The following VAC14 variants were observed in gnomAD, a reference collection of about 807,000 sequenced individuals.
The protein encoded by VAC14 is VAC14 component of PIKFYVE complex.
A neutral mutation model predicts 85.3 loss-of-function variants in VAC14; 47 were observed. The observed-to-expected ratio is 0.55, with a 90% CI of 0.44 to 0.70. The LOEUF is 0.70. VAC14 is among the 30% of genes least tolerant of loss of function. The pLI is 0.00. For missense variants in VAC14, 861 were observed against 1,004.3 expected, an observed-to-expected ratio of 0.86 and a Z score of 1.93; for synonymous variants, 447 against 430.5, an observed-to-expected ratio of 1.04 and a Z score of -0.47.
chr16:70,762,487 G>A lies in VAC14; in HGVS notation c.1371+53C>T. 6.5e-7 allele frequency: 1 copy of A among 1,547,004 alleles called. No individual in the cohort carries two copies. Among genetic ancestry groups the A allele is most frequent in the Non-Finnish European group, 8.9e-7 (1 of 1,120,880 alleles). On this transcript the variant is annotated intron_variant, in intron 12 of 18. Transcript: ENST00000261776. This position sits in a 1 kb window ranked among gnomAD's most constrained non-coding sequence, Gnocchi z 4.1. ...ATAAGCATATCTCAGTCACTAACAA[G>A]GGGAGGCAGGGCAGCCGATGTTCCA...
intron 12 of VAC14, among the ~76,000 whole-genome samples, chr16:70,744,812 GA>G (rs2030711814): frequency 6.6e-6 from 1 of 152,220 alleles, no homozygotes; most frequent in Admixed American, 6.5e-5. Context: ...CTGGAGGAAG[GA>G]AACTGGAATC....
intron 1 of VAC14, among the ~76,000 whole-genome samples, chr16:70,799,965 AC>A (rs2034697842): frequency 6.6e-6 from 1 of 152,212 alleles, no homozygotes; most frequent in Non-Finnish European, 1.5e-5. Flanking sequence ...CGGCTACTCT[AC>A]TGGACAGAAC....
chr16:70,783,970 G>A, intron 5 of VAC14, 143 bp downstream of exon 5: 1 of 687,740 alleles, frequency 1.5e-6, no homozygotes, highest in Non-Finnish European at 2.5e-6. Context: ...AGCTGAATAA[G>A]GTGTTTTTGA....
At chr16:70,702,368 A>G (rs1442748141) in intron 14 of VAC14, among the ~76,000 whole-genome samples, 1 of 152,078 alleles carries the variant, frequency 6.6e-6, no homozygotes, top group African/African-American at 2.4e-5. Context: ...CCCTCTGAGC[A>G]TCGCTAATTA....
Position 70,772,123 on chromosome 16 carries a change from G to A in VAC14, c.1146C>T (p.Val382=), listed in dbSNP as rs2033266045. 6.2e-7 allele frequency: 1 copy of A among 1,613,998 alleles called. No individual in the cohort carries two copies. Among genetic ancestry groups the A allele is most frequent in the Non-Finnish European group, 8.5e-7 (1 of 1,180,032 alleles). Residue 382 remains valine, a synonymous_variant, in exon 10 of 19, where the codon GTC becomes GTT. Transcript: ENST00000261776. ...AAGCCACTTACCTGGCTGCAGTGAA[G>A]ACACTGATGCCGCTACTGAAGCTGG... The part of the protein sequence containing the change: ...CDSSFSSGIS[V]FTAASTERAP...
intron 14 of VAC14, among the ~76,000 whole-genome samples, chr16:70,705,350 T>A (rs912592646): frequency 2.6e-5 from 4 of 152,250 alleles, no homozygotes; most frequent in African/African-American, 9.6e-5. Context: ...GGCCCAGGAA[T>A]GCCCTTCTGC....
intron 10 of VAC14, chr16:70,769,259 C>T (rs1266731640): frequency 6.2e-6 from 1 of 160,670 alleles, no homozygotes; most frequent in African/African-American, 2.4e-5. Context: ...GGAGGAGTCT[C>T]CAGTCTGGCC....
intron 1 of VAC14, among the ~76,000 whole-genome samples, chr16:70,793,972 T>C (rs1345682107): frequency 2.6e-5 from 4 of 152,164 alleles, no homozygotes; most frequent in Non-Finnish European, 4.4e-5. Flanking sequence ...GGAATGAGCA[T>C]GTACTGAGCA....
chr16:70,721,662 C>G (rs1377571053), intron 14 of VAC14, among the ~76,000 whole-genome samples: 1 of 152,052 alleles, frequency 6.6e-6, no homozygotes, highest in Non-Finnish European at 1.5e-5. Flanking sequence ...AGACGTGGCT[C>G]TCGTCTCAGC....
chr16:70,758,292 G>A (rs967741088), intron 12 of VAC14, among the ~76,000 whole-genome samples: 4 of 152,102 alleles, frequency 2.6e-5, no homozygotes, highest in Non-Finnish European at 5.9e-5. Context: ...CTTTAAACAC[G>A]CCTATGAGGC....
At chr16:70,787,709 G>A (rs1021274490) in intron 1 of VAC14, among the ~76,000 whole-genome samples, 3 of 152,222 alleles carry the variant, frequency 2.0e-5, no homozygotes, top group African/African-American at 7.2e-5. Context: ...GGAGGCAGAA[G>A]GGAAAGAAAC....
chr16:70,787,073 G>A (rs1343458399), intron 1 of VAC14, among the ~76,000 whole-genome samples: 1 of 152,206 alleles, frequency 6.6e-6, no homozygotes, highest in African/African-American at 2.4e-5. Flanking sequence ...GGAGTGGCTA[G>A]AGACAGGTAA....
At chr16:70,718,552 T>A (rs2142998038) in intron 14 of VAC14, among the ~76,000 whole-genome samples, 1 of 148,686 alleles carries the variant, frequency 6.7e-6, no homozygotes, top group African/African-American at 2.5e-5. Context: ...CCAGTCTGGG[T>A]GACAGAATGA....
intron 14 of VAC14, among the ~76,000 whole-genome samples, chr16:70,713,445 A>C (rs2054080139): frequency 1.3e-5 from 2 of 152,210 alleles, no homozygotes; most frequent in Admixed American, 1.3e-4. Flanking sequence ...ACCTTCTTCC[A>C]ATTAAAGTAC....
chr16:70,783,197 T>C lies in VAC14; in HGVS notation c.705-58A>G. 8 of 1,551,650 alleles carry C rather than the reference T, an allele frequency of 5.2e-6. No homozygotes were observed. In the Admixed American group the frequency reaches 1.2e-4, roughly 24 times the overall value. On this transcript the variant is annotated intron_variant, in intron 6 of 18. Transcript: ENST00000261776. ...AGGGTCAGCCAGGGCTGGAGGAGCC[T>C]CAAACCAGCCCCATTTCCGTGCTGG...
chr16:70,688,179 A>T, intron 18 of VAC14, 89 bp from the exon 19 acceptor site: 1 of 1,374,714 alleles, frequency 7.3e-7, no homozygotes, highest in Non-Finnish European at 9.5e-7. Flanking sequence ...AGGCAGAGCC[A>T]CAGGCTGGTG....
intron 12 of VAC14, among the ~76,000 whole-genome samples, chr16:70,757,677 G>A (rs1246967225): frequency 1.3e-5 from 2 of 152,194 alleles, no homozygotes; most frequent in Admixed American, 1.3e-4. Context: ...AAGCAGGGAG[G>A]ACCCGGAGCA....
chr16:70,773,017 C>T (rs2033325490), intron 9 of VAC14: 2 of 152,184 alleles, frequency 1.3e-5, no homozygotes, highest in African/African-American at 4.8e-5. Context: ...GTGTTTAGAA[C>T]AGGCAAACCT....
chr16:70,784,925 G>A (rs866668953), intron 3 of VAC14, 87 bp from the exon 4 acceptor site: 69 of 1,195,220 alleles, frequency 5.8e-5, no homozygotes, highest in Non-Finnish European at 8.4e-5. Flanking sequence ...ATCCGCAGCC[G>A]AGGCCTTGGT....
Sources: gnomAD v4.1 joint callset for allele counts (sites outside exome capture counted in the v4.1 genomes callset) on GRCh38, gnomAD v4.1.1 for gene constraint, Gnocchi (gnomAD v3.1) non-coding constraint, MANE v1.5 for transcripts, NCBI Gene and HGNC (gene_info 2026-07-23, HGNC 2026-07-21) for gene names.